The following MAPRE3 variants were observed in gnomAD, a reference collection of about 807,000 sequenced individuals.
MAPRE3 encodes microtubule associated protein RP/EB family member 3.
A neutral mutation model predicts 30.5 loss-of-function variants in MAPRE3; 2 were observed. That is an observed-to-expected ratio of 0.07 (90% CI 0.03 to 0.21). The LOEUF is 0.21. MAPRE3 is among the 10% of genes least tolerant of loss of function. The probability of loss-of-function intolerance (pLI) is 1.00; values close to 1 mark genes in which losing one functional copy is unlikely to be tolerated. For synonymous variants in MAPRE3, 110 were observed against 127.7 expected (o/e 0.86, Z 0.93); for missense variants, 204 against 351.8 (o/e 0.58, Z 3.36).
Position 27,020,172 on chromosome 2 carries a change from G to C in MAPRE3, c.-7-2040G>C, listed in dbSNP as rs74372728. Reference sequence around the variant, plus strand: ...GAGGGTGAGTAGGAAGCTGCCTATAGCTCCTAACTGGGGAATCAAAGTAGG... The same window carrying C: ...GAGGGTGAGTAGGAAGCTGCCTATACCTCCTAACTGGGGAATCAAAGTAGG... On this transcript the variant is annotated intron_variant, in intron 1 of 6. Transcript: ENST00000233121. Among the ~76,000 whole-genome samples, 366 of 152,350 alleles carry C rather than the reference G, an allele frequency of 2.4e-3. 1 individual carries two copies. The highest frequency in any genetic ancestry group is 8.4e-3 in the African/African-American group (350 of 41,578).
intron 1 of MAPRE3, among the ~76,000 whole-genome samples, chr2:27,017,091 GAA>G (rs1667006254): frequency 6.6e-6 from 1 of 152,186 alleles, no homozygotes; most frequent in South Asian, 2.1e-4. Context: ...GCTACGAGAG[GAA>G]AATTAAAAGG....
intron 1 of MAPRE3, among the ~76,000 whole-genome samples, chr2:27,006,990 A>G (rs544253486): frequency 1.3e-5 from 2 of 152,354 alleles, no homozygotes; most frequent in East Asian, 3.9e-4. Flanking sequence ...GTCTGGGCTG[A>G]TAAGAACTAT....
At chr2:26,995,780 G>GGGGTGTGTGTGT (rs1433584791) in intron 1 of MAPRE3, among the ~76,000 whole-genome samples, 7 of 109,638 alleles carry the variant, frequency 6.4e-5, no homozygotes, top group Admixed American at 1.1e-4. Context: ...TTCTAAGAGA[G>GGGGTGTGTGTGT]GTGTGTGTGT....
At chr2:26,980,930 T>A (rs1223170159) in intron 1 of MAPRE3, among the ~76,000 whole-genome samples, 1 of 152,116 alleles carries the variant, frequency 6.6e-6, no homozygotes, top group Non-Finnish European at 1.5e-5. Context: ...CAGGGAAAGG[T>A]TCCTTTGAAG....
At chr2:27,006,093 A>C (rs907248258) in intron 1 of MAPRE3, among the ~76,000 whole-genome samples, 1 of 152,078 alleles carries the variant, frequency 6.6e-6, no homozygotes, top group Admixed American at 6.5e-5. Context: ...GAGGCAGGAG[A>C]ATGGCGTGAA....
chr2:26,978,790 A>G (rs1191810240), intron 1 of MAPRE3, among the ~76,000 whole-genome samples: 1 of 152,202 alleles, frequency 6.6e-6, no homozygotes, highest in Non-Finnish European at 1.5e-5. Context: ...TTGTATTGTT[A>G]GTCACTATGG....
chr2:27,002,435 C>G (rs201147555), intron 1 of MAPRE3, among the ~76,000 whole-genome samples: 1 of 138,006 alleles, frequency 7.2e-6, no homozygotes, highest in Non-Finnish European at 1.6e-5. Context: ...TTTTTTTTAA[C>G]CAAACTGCTC....
Position 27,024,214 on chromosome 2 carries a change from C to T in MAPRE3, c.386C>T (p.Ala129Val), listed in dbSNP as rs377561900. The T allele has an allele frequency of 2.4e-5, 38 of 1,614,104 alleles. No individual in the cohort carries two copies. Among genetic ancestry groups the T allele is most frequent in the Non-Finnish European group, 1.4e-5 (16 of 1,180,022 alleles). Residue 129 changes from alanine (A) to valine (V), a missense_variant, in exon 4 of 7, where the codon GCG becomes GTG. Coordinates refer to ENST00000233121, the MANE Select transcript of MAPRE3 (RefSeq NM_012326.4). The stretch of plus-strand genomic sequence containing the variant: ...GGAAAGGATTACAACCCTCTGCTGG[C>T]GCGGCAGGGCCAGGACGTAGCGCCA... Reference protein sequence around the residue: ...YDGKDYNPLLARQGQDVAPPP... With the variant: ...YDGKDYNPLLVRQGQDVAPPP...
chr2:27,012,217 A>ACAG (rs1553330019), intron 1 of MAPRE3: 1 of 145,908 alleles, frequency 6.9e-6, no homozygotes, highest in African/African-American at 2.5e-5. Flanking sequence ...AAAAAAAAAA[A>ACAG]AAGAAGAAGA....
chr2:26,982,784 G>A (rs1666141655), intron 1 of MAPRE3, among the ~76,000 whole-genome samples: 3 of 152,162 alleles, frequency 2.0e-5, no homozygotes. Context: ...AGTATCTGGG[G>A]CTCAACAAAT....
chr2:26,996,434 G>C (rs1312311130), intron 1 of MAPRE3, among the ~76,000 whole-genome samples: 2 of 152,144 alleles, frequency 1.3e-5, no homozygotes, highest in Non-Finnish European at 2.9e-5. Flanking sequence ...GGGATTACAG[G>C]TGTGAGCCAT....
At chr2:26,998,027 C>CT (rs1468234087) in intron 1 of MAPRE3, among the ~76,000 whole-genome samples, 3 of 152,198 alleles carry the variant, frequency 2.0e-5, no homozygotes, top group Non-Finnish European at 4.4e-5. Context: ...GACATGCTGC[C>CT]TTTAACCATG....
chr2:26,992,214 T>A (rs1666358115), intron 1 of MAPRE3, among the ~76,000 whole-genome samples: 1 of 148,788 alleles, frequency 6.7e-6, no homozygotes. Context: ...TCTCACTGAC[T>A]AATGTTACCA....
chr2:26,972,895 C>G (rs1305259861), intron 1 of MAPRE3, among the ~76,000 whole-genome samples: 1 of 151,826 alleles, frequency 6.6e-6, no homozygotes, highest in Non-Finnish European at 1.5e-5. Context: ...GCCTTTTAAA[C>G]TGCTACTATG....
intron 1 of MAPRE3, among the ~76,000 whole-genome samples, chr2:27,001,731 A>C (rs185423260): frequency 6.6e-6 from 1 of 152,344 alleles, no homozygotes; most frequent in East Asian, 1.9e-4. Flanking sequence ...CATACATTAA[A>C]CAGAAAGGGT....
At chr2:26,981,870 G>C (rs3898693) in intron 1 of MAPRE3, among the ~76,000 whole-genome samples, 1 of 152,184 alleles carries the variant, frequency 6.6e-6, no homozygotes, top group Non-Finnish European at 1.5e-5. Context: ...TCGACTCTTA[G>C]ATGTGCTGTT....
At chr2:26,997,271 C>G (rs1666482802) in intron 1 of MAPRE3, among the ~76,000 whole-genome samples, 1 of 152,158 alleles carries the variant, frequency 6.6e-6, no homozygotes, top group Non-Finnish European at 1.5e-5. Flanking sequence ...GTCCAATCCG[C>G]AGCCCATGGG....
intron 3 of MAPRE3, 104 bp from the exon 4 acceptor site, chr2:27,023,992 G>A (rs1667173461): frequency 7.1e-6 from 6 of 850,654 alleles, no homozygotes; most frequent in African/African-American, 1.7e-5. Flanking sequence ...GGAGGACGCT[G>A]CAGCCCAGGG....
chr2:27,019,143 C>A (rs549499595), intron 1 of MAPRE3, among the ~76,000 whole-genome samples: 1 of 152,058 alleles, frequency 6.6e-6, no homozygotes, highest in African/African-American at 2.4e-5. Flanking sequence ...TCGGCACCCC[C>A]CTCAGCCTCC....
Sources: gnomAD v4.1 joint callset for allele counts (sites outside exome capture counted in the v4.1 genomes callset) on GRCh38, gnomAD v4.1.1 for gene constraint, MANE v1.5 for transcripts, NCBI Gene and HGNC (gene_info 2026-07-23, HGNC 2026-07-21) for gene names.